Variants in MAPK8 observed in about 807,000 individuals in gnomAD.
MAPK8 encodes mitogen-activated protein kinase 8, also known as JUN N-terminal kinase.
In MAPK8, 13 loss-of-function variants were observed where a neutral mutation model predicts 52.9. The ratio of observed to expected loss-of-function variants is 0.25; its 90% CI spans 0.16 to 0.39. The LOEUF is 0.39. Ranked by LOEUF, MAPK8 falls within the 10% of genes least tolerant of loss-of-function variation. MAPK8 has a pLI of 1.00. For missense variants in MAPK8, 300 were observed against 519.2 expected, an observed-to-expected ratio of 0.58 and a Z score of 4.10; for synonymous variants, 191 against 169.8, an observed-to-expected ratio of 1.12 and a Z score of -0.97.
intron 1 of MAPK8, among the ~76,000 whole-genome samples, chr10:48,313,702 T>G (rs1442024199): frequency 6.6e-6 from 1 of 152,240 alleles, no homozygotes; most frequent in East Asian, 1.9e-4. Context: ...CCTTTTTATT[T>G]AATGTAAGTT....
chr10:48,309,182 C>CT (rs1841708408), intron 1 of MAPK8, among the ~76,000 whole-genome samples: 1 of 152,220 alleles, frequency 6.6e-6, no homozygotes, highest in South Asian at 2.1e-4. Flanking sequence ...TTAAAAATAG[C>CT]TTTATTGCAA....
chr10:48,335,069 T>C (rs777928977), intron 1 of MAPK8, among the ~76,000 whole-genome samples: 8 of 152,184 alleles, frequency 5.3e-5, no homozygotes, highest in Non-Finnish European at 8.8e-5. Flanking sequence ...TGATCACTTA[T>C]AGTGACTTTC....
At chr10:48,378,886 G>GT (rs1445433304) in intron 1 of MAPK8, among the ~76,000 whole-genome samples, 1 of 151,980 alleles carries the variant, frequency 6.6e-6, no homozygotes, top group African/African-American at 2.4e-5. Context: ...CACCTCAGCC[G>GT]TGAGTAGCTG....
At chr10:48,426,244 T>G (rs2043676162) in intron 8 of MAPK8, 136 bp from the exon 9 acceptor site, 1 of 856,116 alleles carries the variant, frequency 1.2e-6, no homozygotes, top group African/African-American at 1.8e-5. Flanking sequence ...TTATATATTT[T>G]AATCATATGT....
At chr10:48,425,333 C>A in intron 7 of MAPK8, 1 of 505,228 alleles carries the variant, frequency 2.0e-6, no homozygotes, top group South Asian at 3.8e-5. Flanking sequence ...TTATAAGGGT[C>A]AGAGCTTTAG....
chr10:48,409,399 G>A (rs1376823268), intron 3 of MAPK8, among the ~76,000 whole-genome samples: 1 of 152,124 alleles, frequency 6.6e-6, no homozygotes, highest in African/African-American at 2.4e-5. Flanking sequence ...CATGCAAAAA[G>A]TGAAAAGAAA....
At chr10:48,386,926 A>G (rs2041348892) in intron 1 of MAPK8, among the ~76,000 whole-genome samples, 1 of 152,214 alleles carries the variant, frequency 6.6e-6, no homozygotes, top group Non-Finnish European at 1.5e-5. Flanking sequence ...CAAGTTCTGA[A>G]TTAGCTTACT....
chr10:48,428,105 C>T lies in MAPK8; in HGVS notation c.1060+962C>T, dbSNP rs867507177. Among the ~76,000 whole-genome samples, 5 of 152,326 alleles carry T rather than the reference C, an allele frequency of 3.3e-5. No homozygotes were observed. In the South Asian group the frequency reaches 8.3e-4, roughly 25 times the overall value. On this transcript the variant is annotated intron_variant, in intron 10 of 11. Transcript: ENST00000374189. ...ACTTCCGTCCATGTTATATAGGAGTCTCTCTTTGCCCTCACCCTTGCCTAC... is the reference window on the plus strand; with the variant it reads ...ACTTCCGTCCATGTTATATAGGAGTTTCTCTTTGCCCTCACCCTTGCCTAC...
chr10:48,381,553 T>C (rs2041006371), intron 1 of MAPK8, among the ~76,000 whole-genome samples: 1 of 152,222 alleles, frequency 6.6e-6, no homozygotes, highest in African/African-American at 2.4e-5. Flanking sequence ...TATGTCTGTA[T>C]TTGTAGACAA....
At chr10:48,385,681 A>G (rs1445686415) in intron 1 of MAPK8, among the ~76,000 whole-genome samples, 3 of 152,132 alleles carry the variant, frequency 2.0e-5, no homozygotes, top group Non-Finnish European at 4.4e-5. Flanking sequence ...GAGATAGAGC[A>G]TAAAATTCAA....
intron 5 of MAPK8, 57 bp from the exon 6 acceptor site, chr10:48,420,098 A>G (rs766823234): frequency 2.4e-5 from 31 of 1,301,828 alleles, no homozygotes; most frequent in Non-Finnish European, 3.4e-5. Context: ...TTTATTGTGA[A>G]CTGTAGGATT....
chr10:48,399,453 C>G (rs998067399), intron 1 of MAPK8, among the ~76,000 whole-genome samples: 1 of 152,168 alleles, frequency 6.6e-6, no homozygotes, highest in African/African-American at 2.4e-5. Context: ...CTGCCCTGCT[C>G]CTGGGGAGTT....
Position 48,315,359 on chromosome 10 carries a change from C to T in MAPK8, c.-50+8538C>T, listed in dbSNP as rs143584316. 6.6e-5 allele frequency among the ~76,000 whole-genome samples: 10 copies of T among 152,312 alleles called. No individual in the cohort carries two copies. In the East Asian group the frequency reaches 1.9e-3, roughly 29 times the overall value. On this transcript the variant is annotated intron_variant, in intron 1 of 11. Transcript: ENST00000374189. Reference sequence around the variant, plus strand: ...AGATCAAAATACAGAACACTTCCATCACCCAGAACCTTTTCTTACATCCTT... The same window carrying T: ...AGATCAAAATACAGAACACTTCCATTACCCAGAACCTTTTCTTACATCCTT...
intron 1 of MAPK8, among the ~76,000 whole-genome samples, chr10:48,379,938 T>TAA (rs373050540): frequency 0.12 from 13,727 of 115,698 alleles, 886 homozygotes; most frequent in South Asian, 0.15. Context: ...ACAAAGCTCT[T>TAA]AAAAAAAAAA....
chr10:48,343,363 A>G (rs780362942), intron 1 of MAPK8, among the ~76,000 whole-genome samples: 4 of 152,104 alleles, frequency 2.6e-5, no homozygotes, highest in Non-Finnish European at 5.9e-5. Context: ...CTGTGTGTCT[A>G]ATCTCCCTCT....
At chr10:48,386,223 A>G (rs2041302309) in intron 1 of MAPK8, among the ~76,000 whole-genome samples, 1 of 152,200 alleles carries the variant, frequency 6.6e-6, no homozygotes, top group Non-Finnish European at 1.5e-5. Context: ...GGTCTTCTCA[A>G]GGAATGAGAT....
chr10:48,438,794 C>G lies in MAPK8; in HGVS notation c.*3765C>G, dbSNP rs2045063449. 1 of 152,106 alleles carries G rather than the reference C, an allele frequency of 6.6e-6. No homozygotes were observed. The highest frequency in any genetic ancestry group is 2.1e-4 in the South Asian group (1 of 4,824). 9.4% of individuals were successfully genotyped at this position (152,106 alleles called of 1,614,324 possible). ...CATCAGTAAGAGACACGTGTAAAAT[C>G]TTTGACTGTATGTCTTGCAAAATTG... On this transcript the variant is annotated 3_prime_UTR_variant, in exon 12 of 12. Coordinates refer to ENST00000374189, the MANE Select transcript of MAPK8 (RefSeq NM_001323329.2).
intron 10 of MAPK8, among the ~76,000 whole-genome samples, chr10:48,429,082 A>G (rs752963835): frequency 1.3e-5 from 2 of 151,230 alleles, no homozygotes; most frequent in Non-Finnish European, 2.9e-5. Flanking sequence ...TCAGCCTCCC[A>G]AAGTGCTGGG....
intron 7 of MAPK8, chr10:48,425,218 A>C (rs2043603408): frequency 1.3e-6 from 1 of 762,750 alleles, no homozygotes; most frequent in Non-Finnish European, 2.4e-6. Flanking sequence ...AGGTTACAAT[A>C]AGTGAGTTTT....
Sources: allele counts gnomAD v4.1 joint callset (sites outside exome capture counted in the v4.1 genomes callset), GRCh38; gene constraint gnomAD v4.1.1; transcripts MANE v1.5; gene names NCBI Gene and HGNC (gene_info 2026-07-23, HGNC 2026-07-21).